The following FNDC3B variants were observed in gnomAD, a reference collection of about 807,000 sequenced individuals.
FNDC3B encodes the protein fibronectin type III domain-containing protein 3B.
In FNDC3B, 12 loss-of-function variants were observed where a neutral mutation model predicts 151.5. The ratio of observed to expected loss-of-function variants is 0.08; its 90% CI spans 0.05 to 0.13. The LOEUF (loss-of-function observed/expected upper bound fraction) is 0.13. FNDC3B is among the 10% of genes least tolerant of loss of function. The pLI is 1.00. For missense variants in FNDC3B, 1,214 were observed against 1,505.3 expected (o/e 0.81, Z 3.20); for synonymous variants, 528 against 549.0 (o/e 0.96, Z 0.54).
chr3:172,286,319 T>C (rs1730017489), intron 7 of FNDC3B, among the ~76,000 whole-genome samples: 2 of 152,064 alleles, frequency 1.3e-5, no homozygotes, highest in South Asian at 4.1e-4. Context: ...ATAAATGTAG[T>C]AATAATTTTT....
intron 23 of FNDC3B, among the ~76,000 whole-genome samples, chr3:172,364,275 T>C (rs910634508): frequency 6.6e-5 from 10 of 152,214 alleles, no homozygotes; most frequent in Non-Finnish European, 1.3e-4. Context: ...TCACAATCCA[T>C]GTATAAAAAA....
intron 6 of FNDC3B, among the ~76,000 whole-genome samples, chr3:172,268,462 A>G (rs1729027287): frequency 1.3e-5 from 2 of 152,244 alleles, no homozygotes; most frequent in South Asian, 4.1e-4. Flanking sequence ...TGTTTTGGCC[A>G]GACCTGAGAA....
At chr3:172,241,005 G>A (rs564140378) in intron 4 of FNDC3B, among the ~76,000 whole-genome samples, 3 of 152,208 alleles carry the variant, frequency 2.0e-5, no homozygotes, top group East Asian at 3.9e-4. Context: ...TTTTGTAAAC[G>A]TGTACTAAGC....
intron 25 of FNDC3B, among the ~76,000 whole-genome samples, chr3:172,383,106 G>A (rs1222840832): frequency 6.6e-6 from 1 of 152,194 alleles, no homozygotes; most frequent in Non-Finnish European, 1.5e-5. Context: ...CACGAGCATG[G>A]AATGTTTTTC....
chr3:172,275,689 G>A (rs551720218), intron 6 of FNDC3B, among the ~76,000 whole-genome samples: 43 of 152,192 alleles, frequency 2.8e-4, no homozygotes, highest in South Asian at 6.2e-4. Flanking sequence ...AGCATTTTCC[G>A]TATAGACATT....
intron 6 of FNDC3B, among the ~76,000 whole-genome samples, chr3:172,281,241 A>G (rs964321742): frequency 1.2e-4 from 15 of 124,164 alleles, no homozygotes; most frequent in South Asian, 2.4e-4. Context: ...TTATTTATTT[A>G]TTTATTTATT....
At chr3:172,119,383 CAAAAA>C (rs5854460) in intron 2 of FNDC3B, among the ~76,000 whole-genome samples, 1 of 131,920 alleles carries the variant, frequency 7.6e-6, no homozygotes. Context: ...TGTGGCCTAC[CAAAAA>C]AAAAAAAAAA....
At chr3:172,372,002 TTCA>T (rs1734904938) in intron 23 of FNDC3B, among the ~76,000 whole-genome samples, 1 of 152,236 alleles carries the variant, frequency 6.6e-6, no homozygotes, top group South Asian at 2.1e-4. Flanking sequence ...AGTGTTTTCC[TTCA>T]TCATCCCTTT....
intron 25 of FNDC3B, among the ~76,000 whole-genome samples, chr3:172,396,572 C>G (rs1736291619): frequency 6.6e-6 from 1 of 152,126 alleles, no homozygotes; most frequent in Admixed American, 6.6e-5. Flanking sequence ...GGTGAGTGGC[C>G]TATTAGGAAC....
At chr3:172,318,858 G>A (rs570332811) in intron 11 of FNDC3B, among the ~76,000 whole-genome samples, 52 of 152,242 alleles carry the variant, frequency 3.4e-4, no homozygotes, top group African/African-American at 1.2e-3. Flanking sequence ...CATGTCTTAC[G>A]GTTGTTTCAG....
intron 6 of FNDC3B, among the ~76,000 whole-genome samples, chr3:172,276,236 A>C (rs1729424570): frequency 6.6e-6 from 1 of 152,178 alleles, no homozygotes; most frequent in Admixed American, 6.5e-5. Flanking sequence ...CTGTTTGGCC[A>C]TCTAATCTTA....
At chr3:172,077,424 A>C (rs1307218472) in intron 1 of FNDC3B, among the ~76,000 whole-genome samples, 1 of 152,228 alleles carries the variant, frequency 6.6e-6, no homozygotes, top group Non-Finnish European at 1.5e-5. Flanking sequence ...ATAGGATTGC[A>C]TTGATCCAGC....
chr3:172,189,799 T>TAAAAAAAA (rs60894339), intron 3 of FNDC3B, among the ~76,000 whole-genome samples: 1 of 84,314 alleles, frequency 1.2e-5, no homozygotes, highest in Non-Finnish European at 2.2e-5. Context: ...AGACCTTGTC[T>TAAAAAAAA]AAAAAAAAAA....
chr3:172,379,048 A>C (rs529698905), intron 24 of FNDC3B, among the ~76,000 whole-genome samples: 1 of 152,176 alleles, frequency 6.6e-6, no homozygotes, highest in South Asian at 2.1e-4. Flanking sequence ...AACAAAAGAC[A>C]CTCTGCCTGG....
chr3:172,330,255 C>T (rs986122272), intron 12 of FNDC3B: 33 of 275,442 alleles, frequency 1.2e-4, no homozygotes, highest in East Asian at 3.0e-4. Context: ...AATGCCCACA[C>T]GTCACTTCAT....
At chr3:172,390,274 G>T (rs1290582727) in intron 25 of FNDC3B, among the ~76,000 whole-genome samples, 1 of 152,116 alleles carries the variant, frequency 6.6e-6, no homozygotes, top group Non-Finnish European at 1.5e-5. Context: ...ATAGCTAAAA[G>T]AAAAACATTT....
intron 10 of FNDC3B, among the ~76,000 whole-genome samples, chr3:172,309,565 A>T (rs2108249223): frequency 6.6e-6 from 1 of 152,298 alleles, no homozygotes; most frequent in East Asian, 1.9e-4. Context: ...AGAGCCTAAA[A>T]TAACAGTTTA....
rs775702657 is a variant in FNDC3B at position 172,164,184 on chromosome 3, A to T, written c.187+30638A>T. On this transcript the variant is annotated intron_variant, in intron 3 of 25. Coordinates refer to ENST00000415807, the MANE Select transcript of FNDC3B (RefSeq NM_022763.4). ...CTTAGATGATGAGTACTGTCAGATT[A>T]TTTTTGATCCTATGGTTTTATCTGG... 2.4e-4 allele frequency among the ~76,000 whole-genome samples: 36 copies of T among 152,284 alleles called. 2 individuals are homozygous for T. In the Middle Eastern group the frequency reaches 0.017, roughly 72 times the overall value.
At chr3:172,090,189 T>C (rs925224002) in intron 1 of FNDC3B, among the ~76,000 whole-genome samples, 15 of 152,242 alleles carry the variant, frequency 9.9e-5, no homozygotes, top group South Asian at 2.1e-4. Flanking sequence ...TCCTTTTTTC[T>C]GCTACTGTTG....
Sources: gnomAD v4.1 joint callset for allele counts (sites outside exome capture counted in the v4.1 genomes callset) on GRCh38, gnomAD v4.1.1 for gene constraint, MANE v1.5 for transcripts, NCBI Gene and HGNC (gene_info 2026-07-23, HGNC 2026-07-21) for gene names.